Variants in VPS37B observed in about 807,000 individuals in gnomAD.
The protein encoded by VPS37B is vacuolar protein sorting-associated protein 37B.
VPS37B carries 11 observed loss-of-function variants against 21.2 expected under a neutral mutation model. The observed-to-expected ratio is 0.52, with a 90% CI of 0.33 to 0.86. VPS37B has a LOEUF of 0.86. Ranked by LOEUF, VPS37B falls within the 40% of genes least tolerant of loss-of-function variation. VPS37B has a pLI of 0.03. For synonymous variants in VPS37B, 175 were observed against 159.6 expected (o/e 1.10, Z -0.73); for missense variants, 389 against 374.8 (o/e 1.04, Z -0.31).
intron 1 of VPS37B, chr12:122,880,675 GA>G (rs57625918): frequency 0.047 from 6,476 of 137,888 alleles, 195 homozygotes; most frequent in East Asian, 0.19. Context: ...CCACAGAAAG[GA>G]AAAAAAAAAA....
rs540698648 is a variant in VPS37B, at chr12:122,867,410, G to T, written c.564C>A (p.Pro188=). Residue 188 remains proline (P), a synonymous_variant, in exon 4 of 4, where the codon CCC becomes CCA. Transcript: ENST00000267202. This position sits in a 1 kb window ranked among gnomAD's most constrained non-coding sequence, Gnocchi z 5.5. ...TGGCCTCTGGGGCAGGGTAGGGAAG[G>T]GGGGCGGTAGGTGCCAGTTCGGGCA... is the stretch of plus-strand genomic sequence containing the variant. ...PRLPELAPTA[P]LPYPAPEASG... is the part of the protein sequence containing the mutation. 1 of 1,609,014 alleles carries T rather than the reference G, an allele frequency of 6.2e-7. No homozygotes were observed. Among genetic ancestry groups the T allele is most frequent in the Non-Finnish European group, 8.5e-7 (1 of 1,178,858 alleles).
chr12:122,894,271 G>A (rs555709452), intron 1 of VPS37B, among the ~76,000 whole-genome samples: 2 of 152,320 alleles, frequency 1.3e-5, no homozygotes, highest in East Asian at 3.9e-4. Context: ...CAAAATGGAA[G>A]GTGCCACATG....
At chr12:122,871,408 T>G in intron 1 of VPS37B, 2 of 1,019,238 alleles carry the variant, frequency 2.0e-6, no homozygotes, top group Non-Finnish European at 1.2e-6. Context: ...TGTAAAGATT[T>G]AGAATCTGAT....
chr12:122,878,877 C>T (rs1189434303), intron 1 of VPS37B: 1 of 152,188 alleles, frequency 6.6e-6, no homozygotes, highest in Admixed American at 6.5e-5. Context: ...GTCTCAAACT[C>T]CTGGCCTCAA....
rs574174294 is a variant in VPS37B at position 122,866,952 on chromosome 12, G to C, written c.*164C>G. On this transcript the variant is annotated 3_prime_UTR_variant, in exon 4 of 4. Transcript: ENST00000267202. Reference sequence around the variant, plus strand: ...ACAACTGCCTTGATGCCCAAAGCCTGGGCTCCTACTACTCACCACTGACCT... The same window carrying C: ...ACAACTGCCTTGATGCCCAAAGCCTCGGCTCCTACTACTCACCACTGACCT... The C allele has an allele frequency of 2.4e-6, 2 of 834,394 alleles. No homozygotes were observed. Among genetic ancestry groups the C allele is most frequent in the Admixed American group, 7.4e-5 (2 of 27,082 alleles). The allele number at this position is 834,394 out of a possible 1,614,324, so 51.7% of individuals were successfully genotyped here.
At chr12:122,872,614 C>T (rs1187841652) in intron 1 of VPS37B, 20 of 985,324 alleles carry the variant, frequency 2.0e-5, no homozygotes, top group Non-Finnish European at 2.0e-5. Flanking sequence ...GGGCGGCTCT[C>T]CATGGGCTTT....
chr12:122,871,107 C>T (rs759518850), intron 1 of VPS37B, 46 bp from the exon 2 acceptor site: 74 of 1,602,156 alleles, frequency 4.6e-5, no homozygotes, highest in Non-Finnish European at 6.0e-5. Context: ...TATATCAGCT[C>T]CTAAACCCCT....
At chr12:122,895,921 C>T (rs1352435023) in intron 1 of VPS37B, 31 bp downstream of exon 1, 1 of 1,602,826 alleles carries the variant, frequency 6.2e-7, no homozygotes, top group Non-Finnish European at 8.5e-7. Context: ...CGAGGCCTCA[C>T]AGCCGCCGCC....
At chr12:122,879,093 C>G (rs2034207349) in intron 1 of VPS37B, 1 of 152,266 alleles carries the variant, frequency 6.6e-6, no homozygotes, top group African/African-American at 2.4e-5. Flanking sequence ...AGAGTCCTCC[C>G]CTAGAGCCTC....
chr12:122,893,642 T>C (rs1476063316), intron 1 of VPS37B, among the ~76,000 whole-genome samples: 1 of 152,160 alleles, frequency 6.6e-6, no homozygotes, highest in African/African-American at 2.4e-5. Flanking sequence ...TTGACAGTGA[T>C]CCTCGCTAGG....
intron 1 of VPS37B, among the ~76,000 whole-genome samples, chr12:122,892,297 G>C (rs893468447): frequency 6.6e-6 from 1 of 152,106 alleles, no homozygotes; most frequent in Non-Finnish European, 1.5e-5. Flanking sequence ...GAGGACCGTA[G>C]CTCCGAAATC....
rs572154337 is a variant in VPS37B at position 122,867,037 on chromosome 12, G to A, written c.*79C>T. The A allele has an allele frequency of 1.5e-4, 215 of 1,438,210 alleles. 5 individuals carry two copies. In the South Asian group the frequency reaches 2.7e-3, roughly 18 times the overall value. The allele number at this position is 1,438,210 out of a possible 1,614,324, so 89.1% of individuals were successfully genotyped here. ...GGCCCCAGAGCCCTTGGCACAGAGC[G>A]GACCTCCAGCCTCCTTCCCGTGAGC... On this transcript the variant is annotated 3_prime_UTR_variant, in exon 4 of 4. Coordinates refer to ENST00000267202, the MANE Select transcript of VPS37B (RefSeq NM_024667.3). The surrounding 1 kb of genome is among the most constrained non-coding windows in gnomAD (Gnocchi z 5.5).
chr12:122,882,114 A>C (rs1041988353), intron 1 of VPS37B: 7 of 152,220 alleles, frequency 4.6e-5, no homozygotes, highest in Non-Finnish European at 1.0e-4. Context: ...TTTCTTCTAT[A>C]AAAAACTTTT....
Position 122,865,607 on chromosome 12 carries a change from CCTTT to C in VPS37B, c.*1505_*1508del, listed in dbSNP as rs35135213. The C allele has an allele frequency of 0.79, 120,787 of 151,990 alleles. 49,060 individuals are homozygous for C. The highest frequency in any genetic ancestry group is 0.9 in the Middle Eastern group (266 of 294). The allele number at this position is 151,990 out of a possible 1,614,324, so 9.4% of individuals were successfully genotyped here. A position where few individuals can be genotyped will look rare whatever the true frequency, so the allele number is the denominator to read the frequency against. ...TGAATCGTCCTGTACAGCTTCATTT[CCTTT>C]AAGAAAACAGTTACAGTAGAGTTCA... On this transcript the variant is annotated 3_prime_UTR_variant, in exon 4 of 4. Transcript: ENST00000267202.
chr12:122,878,940 C>A (rs2034204546), intron 1 of VPS37B: 1 of 152,198 alleles, frequency 6.6e-6, no homozygotes, highest in Non-Finnish European at 1.5e-5. Context: ...GCGTGAGCCA[C>A]CCTGCCCGGC....
At chr12:122,892,788 C>CG (rs2034435829) in intron 1 of VPS37B, among the ~76,000 whole-genome samples, 1 of 152,136 alleles carries the variant, frequency 6.6e-6, no homozygotes, top group South Asian at 2.1e-4. Flanking sequence ...CAGCGGGGTG[C>CG]GGTGGCTCAC....
Position 122,867,294 on chromosome 12 carries a change from A to G in VPS37B, c.680T>C (p.Met227Thr). ...GTACGGCACGGCCTGTCCCGAACTC[A>G]TGGCCGCAGTAAACGGGGTGGCTAA... ...GRLATPFTAAMSSGQAVPYPG... is the reference protein window; with the variant it reads ...GRLATPFTAATSSGQAVPYPG... The change falls in exon 4 of 4, where the codon ATG becomes ACG. Residue 227 changes from methionine to threonine, a missense_variant. Transcript: ENST00000267202. This position sits in a 1 kb window ranked among gnomAD's most constrained non-coding sequence, Gnocchi z 5.5. 7.1e-7 allele frequency: 1 copy of G among 1,401,428 alleles called. No homozygotes were observed. Among genetic ancestry groups the G allele is most frequent in the Non-Finnish European group, 9.4e-7 (1 of 1,059,054 alleles). 86.8% of individuals were successfully genotyped at this position (1,401,428 alleles called of 1,614,324 possible).
chr12:122,885,191 T>C (rs1056584997), intron 1 of VPS37B: 2 of 151,892 alleles, frequency 1.3e-5, no homozygotes, highest in Non-Finnish European at 2.9e-5. Context: ...AAAAACTATA[T>C]AATCATATTT....
Position 122,867,005 on chromosome 12 carries a change from G to A in VPS37B, c.*111C>T, listed in dbSNP as rs946947663. 3 of 1,316,432 alleles carry A rather than the reference G, an allele frequency of 2.3e-6. No homozygotes were observed. The highest frequency in any genetic ancestry group is 3.0e-6 in the Non-Finnish European group (3 of 1,003,504). 81.5% of individuals were successfully genotyped at this position (1,316,432 alleles called of 1,614,324 possible). On this transcript the variant is annotated 3_prime_UTR_variant, in exon 4 of 4. Transcript: ENST00000267202. This position sits in a 1 kb window ranked among gnomAD's most constrained non-coding sequence, Gnocchi z 5.5. ...AGTTCTAAAATCAGACAGACACGCTGGCCCAGGGCCCCAGAGCCCTTGGCA... is the reference window on the plus strand; with the variant it reads ...AGTTCTAAAATCAGACAGACACGCTAGCCCAGGGCCCCAGAGCCCTTGGCA...
Sources: allele counts gnomAD v4.1 joint callset (sites outside exome capture counted in the v4.1 genomes callset), GRCh38; gene constraint gnomAD v4.1.1; non-coding constraint Gnocchi (gnomAD v3.1); transcripts MANE v1.5; gene names NCBI Gene and HGNC (gene_info 2026-07-23, HGNC 2026-07-21).